Variants in SHTN1 observed in about 807,000 individuals in gnomAD.
SHTN1 encodes shootin 1, also known as shootin-1.
A neutral mutation model predicts 83.1 loss-of-function variants in SHTN1; 42 were observed. The ratio of observed to expected loss-of-function variants is 0.51; its 90% confidence interval spans 0.39 to 0.65. The LOEUF is 0.65. Ranked by LOEUF, SHTN1 falls within the 30% of genes least tolerant of loss-of-function variation. The pLI is 0.00. For synonymous variants in SHTN1, 224 were observed against 247.7 expected (o/e 0.90, Z 0.90); for missense variants, 622 against 737.8 (o/e 0.84, Z 1.82).
chr10:117,113,285 A>T (rs780955364), intron 1 of SHTN1, among the ~76,000 whole-genome samples: 11 of 152,222 alleles, frequency 7.2e-5, no homozygotes, highest in Non-Finnish European at 8.8e-5. Context: ...TAGAGAGGGA[A>T]AAGGTGAAGG....
At chr10:116,985,316 T>C (rs924229024) in intron 1 of SHTN1, among the ~76,000 whole-genome samples, 5 of 152,144 alleles carry the variant, frequency 3.3e-5, no homozygotes, top group Non-Finnish European at 5.9e-5. Flanking sequence ...CACAAATGCA[T>C]AGAGAAGTCA....
At position 116,995,814 on chromosome 10, in the gene SHTN1, A is replaced by G. The variant is rs554678246; in HGVS notation, c.58+9208T>C. On this transcript the variant is annotated intron_variant, in intron 1 of 16. Coordinates refer to ENST00000355371, the MANE Select transcript of SHTN1 (RefSeq NM_001127211.3). ...TTGGAAATACTGGCCTCGTACCTTG[A>G]ATACATGGTTCAAATGGTTGCCTTA... is the stretch of plus-strand genomic sequence containing the variant. 1.9e-3 allele frequency among the ~76,000 whole-genome samples: 289 copies of G among 152,234 alleles called. 1 individual carries two copies. The highest frequency in any genetic ancestry group is 6.4e-3 in the African/African-American group (265 of 41,546).
At chr10:116,973,598 G>A (rs191038240) in intron 2 of SHTN1, among the ~76,000 whole-genome samples, 163 of 152,132 alleles carry the variant, frequency 1.1e-3, no homozygotes, top group Non-Finnish European at 1.8e-3. Flanking sequence ...AAAAACTTAT[G>A]ATCTACCACA....
chr10:117,000,866 A>T (rs994838379), intron 1 of SHTN1, among the ~76,000 whole-genome samples: 12 of 152,188 alleles, frequency 7.9e-5, no homozygotes, highest in African/African-American at 2.9e-4. Context: ...CTAGACCAGG[A>T]ACTCCTCACC....
intron 16 of SHTN1, among the ~76,000 whole-genome samples, chr10:116,898,890 T>C (rs924067709): frequency 1.3e-5 from 2 of 152,228 alleles, no homozygotes; most frequent in Non-Finnish European, 2.9e-5. Flanking sequence ...AGTATATCTT[T>C]GACTTTATAA....
intron 2 of SHTN1, among the ~76,000 whole-genome samples, chr10:117,025,135 T>G (rs1044067147): frequency 6.6e-6 from 1 of 152,130 alleles, no homozygotes; most frequent in Admixed American, 6.5e-5. Context: ...AGGACCTGGT[T>G]TTAACTTCAT....
chr10:116,991,884 G>A (rs1210762378), intron 1 of SHTN1, among the ~76,000 whole-genome samples: 2 of 152,198 alleles, frequency 1.3e-5, no homozygotes, highest in African/African-American at 4.8e-5. Flanking sequence ...GCTCACGTCT[G>A]TAATCCCAGC....
At chr10:116,951,761 TTA>T (rs1849786215) in intron 6 of SHTN1, 146 bp downstream of exon 6, 1 of 428,024 alleles carries the variant, frequency 2.3e-6, no homozygotes, top group Non-Finnish European at 4.2e-6. Flanking sequence ...CTACCTTTTT[TTA>T]TGTCTGAAAT....
chr10:117,017,789 G>A (rs962891252), intron 2 of SHTN1, among the ~76,000 whole-genome samples: 6 of 152,086 alleles, frequency 3.9e-5, no homozygotes, highest in Non-Finnish European at 7.3e-5. Context: ...CTAGCAGACG[G>A]CAGTTTAACT....
At chr10:116,947,972 C>T (rs1453879264) in intron 7 of SHTN1, among the ~76,000 whole-genome samples, 1 of 152,220 alleles carries the variant, frequency 6.6e-6, no homozygotes, top group East Asian at 1.9e-4. Flanking sequence ...TGATGAATCA[C>T]AAAAAGATTG....
chr10:116,941,820 G>A (rs1849382503), intron 8 of SHTN1, among the ~76,000 whole-genome samples: 1 of 152,150 alleles, frequency 6.6e-6, no homozygotes, highest in African/African-American at 2.4e-5. Flanking sequence ...CATGAATACA[G>A]TATACTAAAA....
intron 1 of SHTN1, among the ~76,000 whole-genome samples, chr10:117,078,668 G>A (rs1043248143): frequency 3.3e-5 from 5 of 152,202 alleles, no homozygotes; most frequent in African/African-American, 1.2e-4. Context: ...TAGACCACTA[G>A]TAGGAGTGCT....
chr10:116,973,745 G>C (rs1850698018), intron 2 of SHTN1: 2 of 564,334 alleles, frequency 3.5e-6, no homozygotes, highest in Non-Finnish European at 5.8e-6. Flanking sequence ...CACTAAGTCT[G>C]AAGAAGTTTA....
chr10:117,037,932 G>A (rs1305113184), intron 2 of SHTN1, among the ~76,000 whole-genome samples: 1 of 142,214 alleles, frequency 7.0e-6, no homozygotes, highest in Non-Finnish European at 1.5e-5. Context: ...TTTGAACTGG[G>A]AGGCAGAACT....
At chr10:117,110,830 TTAAG>T (rs1403809850) in intron 1 of SHTN1, among the ~76,000 whole-genome samples, 5 of 152,174 alleles carry the variant, frequency 3.3e-5, no homozygotes, top group South Asian at 2.1e-4. Flanking sequence ...CAAGCACTTA[TTAAG>T]TAAGACTAGA....
At chr10:117,070,070 G>T (rs1853058780) in intron 1 of SHTN1, among the ~76,000 whole-genome samples, 1 of 149,944 alleles carries the variant, frequency 6.7e-6, no homozygotes, top group Non-Finnish European at 1.5e-5. Flanking sequence ...CCATAATGAA[G>T]ATGAATCAAA....
chr10:116,934,945 T>C (rs1258023109), intron 9 of SHTN1, among the ~76,000 whole-genome samples: 2 of 152,176 alleles, frequency 1.3e-5, no homozygotes, highest in African/African-American at 4.8e-5. Flanking sequence ...TGAATCAGAG[T>C]TCACTCATGA....
intron 1 of SHTN1, among the ~76,000 whole-genome samples, chr10:116,990,420 AG>A (rs1447853642): frequency 3.3e-5 from 5 of 150,820 alleles, no homozygotes; most frequent in African/African-American, 4.9e-5. Context: ...TTGTTCTCCC[AG>A]GGGGCACGAA....
chr10:117,081,918 TTC>T (rs1000529933), intron 1 of SHTN1, among the ~76,000 whole-genome samples: 1 of 150,876 alleles, frequency 6.6e-6, no homozygotes, highest in Non-Finnish European at 1.5e-5. Flanking sequence ...TATTTGATTC[TTC>T]TCTCTTTTTT....
Sources: allele counts gnomAD v4.1 joint callset (sites outside exome capture counted in the v4.1 genomes callset), GRCh38; gene constraint gnomAD v4.1.1; transcripts MANE v1.5; gene names NCBI Gene and HGNC (gene_info 2026-07-23, HGNC 2026-07-21).